The following DEFB131A variants were observed in gnomAD, a reference collection of about 807,000 sequenced individuals.
The protein encoded by DEFB131A is beta-defensin 131A.
DEFB131A carries 5 observed loss-of-function variants against 2.4 expected under a neutral mutation model. That is an observed-to-expected ratio of 2.12 (90% confidence interval 1.11 to 4.47). The LOEUF (loss-of-function observed/expected upper bound fraction) is 4.47. Among genes scored for constraint, DEFB131A ranks in the 30% most tolerant of loss-of-function variants. The probability of loss-of-function intolerance (pLI) is 0.00; values close to 1 mark genes in which losing one functional copy is unlikely to be tolerated. For synonymous variants in DEFB131A, 34 were observed against 25.7 expected, an observed-to-expected ratio of 1.32 and a Z score of -0.97; for missense variants, 120 against 79.9, an observed-to-expected ratio of 1.50 and a Z score of -1.91.
chr4:9,446,822 CTTCT>C (rs1717516140), intron 1 of DEFB131A, among the ~76,000 whole-genome samples: 2 of 152,032 alleles, frequency 1.3e-5, no homozygotes, highest in South Asian at 4.2e-4. Context: ...TTGTTATTTT[CTTCT>C]TTGTTTTTTC....
At position 9,450,407 on chromosome 4, in the gene DEFB131A, T is replaced by C. The variant is rs1560129615; in HGVS notation, c.106T>C (p.Cys36Arg). The C allele has an allele frequency of 6.2e-7, 1 of 1,605,426 alleles. No individual in the cohort carries two copies. Among genetic ancestry groups the C allele is most frequent in the Admixed American group, 1.7e-5 (1 of 59,444 alleles). Residue 36 changes from cysteine to arginine, a missense_variant, in exon 2 of 2, where the codon TGC becomes CGC. Physicochemically the swap from Cys to Arg is radical, Grantham distance 180. Coordinates refer to ENST00000334879, the MANE Select transcript of DEFB131A (RefSeq NM_001040448.3). ...NDECPSEYYH[C>R]RLKCNADEHA... is the part of the protein sequence containing the mutation. ...TGAATGTCCTTCAGAATATTATCAT[T>C]GCAGACTGAAGTGCAATGCTGATGA...
intron 1 of DEFB131A, among the ~76,000 whole-genome samples, chr4:9,449,745 G>C (rs1298476282): frequency 1.3e-5 from 2 of 152,086 alleles, no homozygotes; most frequent in Admixed American, 1.3e-4. Flanking sequence ...GCATATCTCA[G>C]TAACTTTCTC....
At chr4:9,449,015 T>A (rs971398445) in intron 1 of DEFB131A, among the ~76,000 whole-genome samples, 1 of 151,844 alleles carries the variant, frequency 6.6e-6, no homozygotes, top group African/African-American at 2.4e-5. Flanking sequence ...AAAATCAACA[T>A]ACGAATATCA....
intron 1 of DEFB131A, among the ~76,000 whole-genome samples, chr4:9,448,657 T>C (rs1717568384): frequency 6.6e-6 from 1 of 152,184 alleles, no homozygotes; most frequent in Non-Finnish European, 1.5e-5. Context: ...TACATAATTT[T>C]CTTAGGTAAA....
At chr4:9,448,467 G>A (rs1360755089) in intron 1 of DEFB131A, among the ~76,000 whole-genome samples, 1 of 152,000 alleles carries the variant, frequency 6.6e-6, no homozygotes, top group Admixed American at 6.6e-5. Flanking sequence ...TCGTGCCTCA[G>A]CCAGCCACCA....
At chr4:9,446,616 C>T (rs1448464278) in intron 1 of DEFB131A, among the ~76,000 whole-genome samples, 1 of 151,892 alleles carries the variant, frequency 6.6e-6, no homozygotes, top group Admixed American at 6.6e-5. Context: ...TTTATTATTT[C>T]TTTCCTTCTC....
At chr4:9,446,478 C>G (rs1207460596) in intron 1 of DEFB131A, among the ~76,000 whole-genome samples, 4 of 152,018 alleles carry the variant, frequency 2.6e-5, no homozygotes, top group Non-Finnish European at 5.9e-5. Flanking sequence ...TTGGCATTCT[C>G]TCTTTTGTTC....
chr4:9,450,325 T>C, intron 1 of DEFB131A, 35 bp from the exon 2 acceptor site: 4 of 1,495,942 alleles, frequency 2.7e-6, no homozygotes, highest in Non-Finnish European at 3.6e-6. Flanking sequence ...AAGTAAGTAA[T>C]ATTGTGTCAT....
intron 1 of DEFB131A, among the ~76,000 whole-genome samples, chr4:9,445,696 G>T (rs1413101865): frequency 6.6e-6 from 1 of 151,746 alleles, no homozygotes; most frequent in Non-Finnish European, 1.5e-5. Context: ...ATATTTTTAT[G>T]AGATACAATT....
intron 1 of DEFB131A, among the ~76,000 whole-genome samples, chr4:9,448,298 A>T (rs1190784693): frequency 6.6e-6 from 1 of 151,790 alleles, no homozygotes; most frequent in Non-Finnish European, 1.5e-5. Context: ...GAAATATTTA[A>T]AATGTTATAA....
chr4:9,450,117 A>G (rs1385944998), intron 1 of DEFB131A, among the ~76,000 whole-genome samples: 1 of 152,132 alleles, frequency 6.6e-6, no homozygotes, highest in Non-Finnish European at 1.5e-5. Flanking sequence ...ATATGTGGTA[A>G]TAGTTCTCAT....
chr4:9,444,684 G>A lies in DEFB131A; in HGVS notation c.58+93G>A, dbSNP rs1356799409. 5.3e-6 allele frequency: 7 copies of A among 1,328,080 alleles called. No homozygotes were observed. The African/African-American group carries it at 8.6e-5, about 16-fold the overall frequency. 82.3% of individuals were successfully genotyped at this position (1,328,080 alleles called of 1,614,324 possible). The stretch of plus-strand genomic sequence containing the variant: ...AGAGTCTGAAAATAAAATAGGCATG[G>A]GCAGATTTTACTGTACCATGAAGGC... On this transcript the variant is annotated intron_variant, in intron 1 of 1. Transcript: ENST00000334879.
intron 1 of DEFB131A, among the ~76,000 whole-genome samples, chr4:9,448,061 GA>G (rs1717548576): frequency 6.6e-6 from 1 of 151,058 alleles, no homozygotes; most frequent in Non-Finnish European, 1.5e-5. Flanking sequence ...TCCCGAAATT[GA>G]AAATAAGCAA....
At chr4:9,449,125 A>C (rs1191112765) in intron 1 of DEFB131A, among the ~76,000 whole-genome samples, 1 of 151,534 alleles carries the variant, frequency 6.6e-6, no homozygotes, top group Non-Finnish European at 1.5e-5. Flanking sequence ...GAATAAACTT[A>C]ACAAAAAGAT....
chr4:9,449,095 G>A (rs1383978416), intron 1 of DEFB131A, among the ~76,000 whole-genome samples: 2 of 150,982 alleles, frequency 1.3e-5, no homozygotes, highest in Non-Finnish European at 3.0e-5. Flanking sequence ...ATAATAGCAA[G>A]AAAAAGATAA....
At chr4:9,449,799 G>C (rs957803543) in intron 1 of DEFB131A, among the ~76,000 whole-genome samples, 1 of 152,116 alleles carries the variant, frequency 6.6e-6, no homozygotes, top group South Asian at 2.1e-4. Flanking sequence ...CTGGGAAGCT[G>C]GAACTAAGAC....
chr4:9,449,889 C>A (rs898962625), intron 1 of DEFB131A, among the ~76,000 whole-genome samples: 4 of 152,110 alleles, frequency 2.6e-5, no homozygotes, highest in Non-Finnish European at 5.9e-5. Flanking sequence ...CCAAAGACAG[C>A]TTTTCCACTT....
intron 1 of DEFB131A, among the ~76,000 whole-genome samples, chr4:9,448,170 CAA>C (rs60855138): frequency 0.021 from 3,066 of 143,840 alleles, 30 homozygotes; most frequent in African/African-American, 0.067. Context: ...AAATCAAAGA[CAA>C]AAAAAAAAAA....
At chr4:9,449,368 T>A (rs1436562553) in intron 1 of DEFB131A, among the ~76,000 whole-genome samples, 1 of 100,856 alleles carries the variant, frequency 9.9e-6, no homozygotes, top group African/African-American at 3.5e-5. Flanking sequence ...TGGAAGAGAA[T>A]AGAGGACCCA....
Sources: allele counts gnomAD v4.1 joint callset (sites outside exome capture counted in the v4.1 genomes callset), GRCh38; gene constraint gnomAD v4.1.1; transcripts MANE v1.5; gene names NCBI Gene and HGNC (gene_info 2026-07-23, HGNC 2026-07-21).